Variants in EFCAB9 observed in about 807,000 individuals in gnomAD.
EFCAB9 encodes EF-hand calcium-binding domain-containing protein 9.
A neutral mutation model predicts 15.6 loss-of-function variants in EFCAB9; 16 were observed. The observed-to-expected ratio is 1.03, with a 90% confidence interval of 0.69 to 1.56. The LOEUF (loss-of-function observed/expected upper bound fraction) is 1.56, where lower values mean the gene tolerates loss of function less well. Among genes scored for constraint, EFCAB9 ranks in the 40% most tolerant of loss-of-function variants. EFCAB9 has a pLI of 0.00. For synonymous variants in EFCAB9, 76 were observed against 85.4 expected (o/e 0.89, Z 0.61); for missense variants, 208 against 235.4 (o/e 0.88, Z 0.76).
chr5:172,199,660 T>G, intron 2 of EFCAB9, 129 bp downstream of exon 2: 1 of 1,347,464 alleles, frequency 7.4e-7, no homozygotes, highest in Non-Finnish European at 9.9e-7. Flanking sequence ...TGAGTTTTGG[T>G]TCCCGAATGG....
intron 1 of EFCAB9, among the ~76,000 whole-genome samples, chr5:172,196,309 T>C (rs1771161062): frequency 6.6e-6 from 1 of 152,048 alleles, no homozygotes; most frequent in Non-Finnish European, 1.5e-5. Flanking sequence ...TTGTGACTAC[T>C]AATTTGCTGT....
chr5:172,202,128 C>T (rs778700446), intron 3 of EFCAB9, among the ~76,000 whole-genome samples: 19 of 152,018 alleles, frequency 1.2e-4, no homozygotes, highest in Non-Finnish European at 2.4e-4. Flanking sequence ...ATCACGAGGA[C>T]AGGAGATCGA....
chr5:172,200,950 T>G (rs1228827562), intron 3 of EFCAB9, among the ~76,000 whole-genome samples: 1 of 152,184 alleles, frequency 6.6e-6, no homozygotes, highest in Non-Finnish European at 1.5e-5. Context: ...TGCTGTATCA[T>G]GGCCAGGCTC....
intron 2 of EFCAB9, 106 bp downstream of exon 2, chr5:172,199,637 G>T: frequency 7.0e-7 from 1 of 1,431,804 alleles, no homozygotes; most frequent in Non-Finnish European, 9.3e-7. Flanking sequence ...GAAAAGATGG[G>T]TGGTGGGGAA....
In EFCAB9 at chr5:172,203,270, G is replaced by A. The variant is rs1241318429; in HGVS notation, c.519G>A (p.Gln173=). 10 of 1,536,668 alleles carry A rather than the reference G, an allele frequency of 6.5e-6. No individual in the cohort carries two copies. In the Middle Eastern group the frequency reaches 6.7e-4, roughly 103 times the overall value. Residue 173 remains glutamine, a synonymous_variant, in exon 4 of 4, where the codon CAG becomes CAA. Transcript: ENST00000398186. ...LYTIIYTDKL[Q]KRQKTEEKEK... ...CAATCATCTACACTGACAAATTACAGAAGAGGCAGAAAACAGAGGAGAAAG... is the reference window on the plus strand; with the variant it reads ...CAATCATCTACACTGACAAATTACAAAAGAGGCAGAAAACAGAGGAGAAAG...
chr5:172,199,981 G>GGCT (rs913661387), intron 2 of EFCAB9, among the ~76,000 whole-genome samples: 6 of 136,326 alleles, frequency 4.4e-5, no homozygotes, highest in African/African-American at 1.7e-4. Flanking sequence ...CTGTGGCCCA[G>GGCT]GCTGGAGTGC....
intron 3 of EFCAB9, among the ~76,000 whole-genome samples, chr5:172,202,332 CAAAAAAAA>C (rs10690291): frequency 1.1e-4 from 8 of 73,366 alleles, no homozygotes; most frequent in African/African-American, 1.4e-4. Flanking sequence ...GACTTCATCT[CAAAAAAAA>C]AAAAAAAAAA....
chr5:172,199,254 A>C (rs1022305588), intron 1 of EFCAB9, 129 bp from the exon 2 acceptor site: 3 of 1,224,576 alleles, frequency 2.4e-6, no homozygotes, highest in Non-Finnish European at 3.3e-6. Context: ...AGCCAGAAAC[A>C]AAATATTATC....
intron 2 of EFCAB9, 131 bp from the exon 3 acceptor site, chr5:172,200,435 G>C: frequency 1.1e-6 from 1 of 926,690 alleles, no homozygotes; most frequent in Non-Finnish European, 1.6e-6. Flanking sequence ...TTTCAGCCCT[G>C]AGCTTCTGAT....
At chr5:172,199,039 G>A (rs1017782665) in intron 1 of EFCAB9, among the ~76,000 whole-genome samples, 4 of 152,152 alleles carry the variant, frequency 2.6e-5, no homozygotes, top group Non-Finnish European at 4.4e-5. Flanking sequence ...TCATACATAA[G>A]GAGCACTTTG....
chr5:172,197,736 A>T (rs564184514), intron 1 of EFCAB9, among the ~76,000 whole-genome samples: 1 of 152,306 alleles, frequency 6.6e-6, no homozygotes, highest in East Asian at 1.9e-4. Flanking sequence ...AGACCCAAAG[A>T]GTAAGCAGCA....
chr5:172,195,475 CT>C (rs1481524798), intron 1 of EFCAB9, among the ~76,000 whole-genome samples: 1 of 152,208 alleles, frequency 6.6e-6, no homozygotes, highest in Admixed American at 6.5e-5. Flanking sequence ...ATTGCCAAAT[CT>C]TCGCAATAAC....
intron 1 of EFCAB9, among the ~76,000 whole-genome samples, chr5:172,195,926 C>T (rs1581199500): frequency 6.6e-6 from 1 of 152,106 alleles, no homozygotes; most frequent in East Asian, 1.9e-4. Context: ...GCCTCAGCCT[C>T]CTGAGTAGCT....
Position 172,199,527 on chromosome 5 carries a change from A to T in EFCAB9, c.281A>T (p.His94Leu). 1 of 1,537,090 alleles carries T rather than the reference A, an allele frequency of 6.5e-7. No individual in the cohort carries two copies. The highest frequency in any genetic ancestry group is 8.7e-7 in the Non-Finnish European group (1 of 1,146,856). Residue 94 changes from histidine to leucine, a missense_variant, in exon 2 of 4, where the codon CAC becomes CTC. Transcript: ENST00000398186. ...ATGCTGGTGTGCATGCTGCTGGCCC[A>T]CCAGGCAAGTAGCCGCGCGGCTGCT... The part of the protein sequence containing the change: ...FYMLVCMLLA[H>L]QNHLEGQFMY...
intron 1 of EFCAB9, among the ~76,000 whole-genome samples, chr5:172,194,518 G>A (rs1299427950): frequency 1.3e-5 from 2 of 152,064 alleles, no homozygotes; most frequent in East Asian, 1.9e-4. Context: ...TCCTGCCTCA[G>A]CCTCCTGAGT....
At chr5:172,199,324 G>T (rs1405777738) in intron 1 of EFCAB9, 59 bp from the exon 2 acceptor site, 8 of 1,516,584 alleles carry the variant, frequency 5.3e-6, no homozygotes, top group Non-Finnish European at 5.3e-6. Flanking sequence ...GCTTCTAGCT[G>T]TTTAGCATTT....
chr5:172,202,175 C>G (rs758305074), intron 3 of EFCAB9, among the ~76,000 whole-genome samples: 1 of 151,552 alleles, frequency 6.6e-6, no homozygotes. Flanking sequence ...CCCATCTCTA[C>G]TAAAAATACA....
chr5:172,194,927 G>GAA (rs11396641), intron 1 of EFCAB9, among the ~76,000 whole-genome samples: 9 of 148,054 alleles, frequency 6.1e-5, no homozygotes, highest in East Asian at 5.9e-4. Context: ...CTCATAGTTG[G>GAA]AAAAAAAAAA....
At chr5:172,194,642 A>G (rs1355002725) in intron 1 of EFCAB9, among the ~76,000 whole-genome samples, 1 of 151,928 alleles carries the variant, frequency 6.6e-6, no homozygotes, top group Non-Finnish European at 1.5e-5. Flanking sequence ...CAGGTGATCC[A>G]CCCGCCTCCG....
Sources: gnomAD v4.1 joint callset for allele counts (sites outside exome capture counted in the v4.1 genomes callset) on GRCh38, gnomAD v4.1.1 for gene constraint, MANE v1.5 for transcripts, NCBI Gene and HGNC (gene_info 2026-07-23, HGNC 2026-07-21) for gene names.